ATP8B4: variants seen among roughly 807,000 people sequenced by gnomAD.
ATP8B4 encodes ATPase phospholipid transporting 8B4 (putative).
In ATP8B4, 133 loss-of-function variants were observed where a neutral mutation model predicts 145.6. That is an observed-to-expected ratio of 0.91 (90% confidence interval 0.79 to 1.05). The LOEUF (loss-of-function observed/expected upper bound fraction) is 1.05, where lower values mean the gene tolerates loss of function less well. ATP8B4 is among the 50% of genes least tolerant of loss of function. The probability of loss-of-function intolerance (pLI) is 0.00; values close to 1 mark genes in which losing one functional copy is unlikely to be tolerated. For missense variants in ATP8B4, 1,458 were observed against 1,425.2 expected (o/e 1.02, Z -0.37); for synonymous variants, 507 against 492.9 (o/e 1.03, Z -0.38).
chr15:49,943,493 C>A (rs2042325622), intron 14 of ATP8B4, among the ~76,000 whole-genome samples: 1 of 151,938 alleles, frequency 6.6e-6, no homozygotes, highest in African/African-American at 2.4e-5. Context: ...TCATCATGTA[C>A]AAGGGAACCT....
intron 1 of ATP8B4, among the ~76,000 whole-genome samples, chr15:50,166,821 C>T (rs1167896092): frequency 2.6e-5 from 4 of 152,110 alleles, no homozygotes. Context: ...CAATAGAACA[C>T]CTGATTACGC....
chr15:49,877,764 T>C (rs2034705913), intron 24 of ATP8B4, among the ~76,000 whole-genome samples: 1 of 152,208 alleles, frequency 6.6e-6, no homozygotes, highest in South Asian at 2.1e-4. Flanking sequence ...ATTAAACCAG[T>C]ATGTAAAGTA....
intron 12 of ATP8B4, among the ~76,000 whole-genome samples, chr15:49,974,266 A>G (rs898462092): frequency 5.3e-5 from 8 of 151,916 alleles, no homozygotes; most frequent in Admixed American, 5.2e-4. Flanking sequence ...TATTTTTAGT[A>G]GAGACGGGGT....
chr15:50,053,547 T>C (rs1194882378), intron 3 of ATP8B4, among the ~76,000 whole-genome samples: 1 of 152,252 alleles, frequency 6.6e-6, no homozygotes, highest in African/African-American at 2.4e-5. Flanking sequence ...GCCTGATGTA[T>C]GCTTACAGTT....
chr15:49,885,268 A>G (rs974513279), intron 23 of ATP8B4, among the ~76,000 whole-genome samples: 3 of 152,138 alleles, frequency 2.0e-5, no homozygotes, highest in Non-Finnish European at 4.4e-5. Flanking sequence ...GAACACTTTA[A>G]TCCCAAGGTA....
At chr15:50,112,599 G>C (rs1055406390) in intron 1 of ATP8B4, among the ~76,000 whole-genome samples, 1 of 151,972 alleles carries the variant, frequency 6.6e-6, no homozygotes, top group Non-Finnish European at 1.5e-5. Context: ...GAATAGCAAG[G>C]TTCAAGTCCC....
chr15:49,915,279 G>T (rs943435126), intron 20 of ATP8B4, among the ~76,000 whole-genome samples: 2 of 152,148 alleles, frequency 1.3e-5, no homozygotes, highest in Admixed American at 6.5e-5. Flanking sequence ...AGAGTAGAAT[G>T]ATAGATACCA....
At chr15:49,860,555 G>T in intron 27 of ATP8B4, 80 bp from the exon 28 acceptor site, 1 of 1,422,344 alleles carries the variant, frequency 7.0e-7, no homozygotes. Flanking sequence ...TAAAGTGAAA[G>T]CCTTTTTTTT....
intron 9 of ATP8B4, among the ~76,000 whole-genome samples, chr15:49,994,322 A>G (rs1162563921): frequency 1.3e-5 from 2 of 151,770 alleles, no homozygotes; most frequent in African/African-American, 2.4e-5. Flanking sequence ...ATCGTTTCAC[A>G]CTCTCTTCCC....
chr15:50,143,727 A>G lies in ATP8B4; in HGVS notation c.-42-36719T>C, dbSNP rs904699631. On this transcript the variant is annotated intron_variant, in intron 1 of 3. Transcript: ENST00000558829. ...GCAAATCACAAGTGTTCTATGAAGC[A>G]TTTCAAATGGAAACAGGGAGGGATG... is the stretch of plus-strand genomic sequence containing the variant. 6.6e-5 allele frequency among the ~76,000 whole-genome samples: 10 copies of G among 152,156 alleles called. No individual in the cohort carries two copies. The East Asian group carries it at 1.9e-3, about 29-fold the overall frequency.
chr15:49,934,012 C>T lies in ATP8B4; in HGVS notation c.1453+5G>A. 1 of 1,548,494 alleles carries T rather than the reference C, an allele frequency of 6.5e-7. No individual in the cohort carries two copies. Among genetic ancestry groups the T allele is most frequent in the Non-Finnish European group, 8.7e-7 (1 of 1,148,096 alleles). ...TTCACCACTCAGACATAACTTTTCA[C>T]TTACCTGCGCTATTCTCTTCTGACA... On this transcript the variant is annotated splice_donor_5th_base_variant and intron_variant, in intron 15 of 27. Transcript: ENST00000284509.
intron 16 of ATP8B4, among the ~76,000 whole-genome samples, chr15:49,930,024 G>T (rs1256369626): frequency 6.6e-6 from 1 of 151,956 alleles, no homozygotes; most frequent in Non-Finnish European, 1.5e-5. Flanking sequence ...CAAAGTCAGT[G>T]GACACCAGCA....
At chr15:49,964,021 C>G (rs891969089) in intron 13 of ATP8B4, among the ~76,000 whole-genome samples, 2 of 152,088 alleles carry the variant, frequency 1.3e-5, no homozygotes, top group Non-Finnish European at 2.9e-5. Flanking sequence ...ATAAGGGAAC[C>G]AAAGAATGGT....
At chr15:50,175,717 TG>T (rs1410334960) in intron 1 of ATP8B4, among the ~76,000 whole-genome samples, 2 of 152,128 alleles carry the variant, frequency 1.3e-5, no homozygotes, top group African/African-American at 2.4e-5. Context: ...GGCATGGATG[TG>T]GTAAACAAGA....
intron 20 of ATP8B4, among the ~76,000 whole-genome samples, chr15:49,903,825 C>T (rs536165650): frequency 1.3e-5 from 2 of 151,030 alleles, no homozygotes; most frequent in African/African-American, 2.4e-5. Context: ...ACCTGGGAGG[C>T]GGAGGTTGCA....
intron 23 of ATP8B4, chr15:49,885,796 T>C (rs934969308): frequency 6.6e-6 from 1 of 152,186 alleles, no homozygotes; most frequent in Non-Finnish European, 1.5e-5. Context: ...CCATATCAAA[T>C]CACTCCCCAG....
intron 1 of ATP8B4, among the ~76,000 whole-genome samples, chr15:50,144,138 A>G (rs2044246585): frequency 6.6e-6 from 1 of 152,194 alleles, no homozygotes; most frequent in Non-Finnish European, 1.5e-5. Context: ...CCTGGCCACA[A>G]TGTGGAAAAT....
At chr15:49,912,264 TA>T (rs1219672684) in intron 20 of ATP8B4, among the ~76,000 whole-genome samples, 1 of 151,920 alleles carries the variant, frequency 6.6e-6, no homozygotes, top group South Asian at 2.1e-4. Flanking sequence ...TGAACAAAGT[TA>T]ATAAACTTTT....
chr15:49,889,794 T>G (rs1160175328), intron 23 of ATP8B4, among the ~76,000 whole-genome samples: 2 of 152,216 alleles, frequency 1.3e-5, no homozygotes, highest in Non-Finnish European at 2.9e-5. Flanking sequence ...CATTAAATAA[T>G]TAAGCTGGTG....
Sources: gnomAD v4.1 joint callset for allele counts (sites outside exome capture counted in the v4.1 genomes callset) on GRCh38, gnomAD v4.1.1 for gene constraint, MANE v1.5 for transcripts, NCBI Gene and HGNC (gene_info 2026-07-23, HGNC 2026-07-21) for gene names.